Variants in ERC2 observed in about 807,000 individuals in gnomAD.
ERC2 encodes the protein ERC protein 2.
A neutral mutation model predicts 114.8 loss-of-function variants in ERC2; 42 were observed. The observed-to-expected ratio is 0.37, with a 90% confidence interval of 0.29 to 0.47. ERC2 has a LOEUF of 0.47. ERC2 is among the 20% of genes least tolerant of loss of function. The probability of loss-of-function intolerance (pLI) is 0.99; values close to 1 mark genes in which losing one functional copy is unlikely to be tolerated. For missense variants in ERC2, 939 were observed against 1,150.7 expected (o/e 0.82, Z 2.66); for synonymous variants, 454 against 425.5 (o/e 1.07, Z -0.82).
intron 15 of ERC2, among the ~76,000 whole-genome samples, chr3:55,714,485 C>T (rs919819966): frequency 7.3e-5 from 11 of 151,460 alleles, no homozygotes; most frequent in African/African-American, 2.7e-4. Context: ...TATTCAGAAG[C>T]CAGTCAAAAG....
chr3:56,326,353 C>T lies in ERC2; in HGVS notation c.658-29918G>A, dbSNP rs148405193. 1.3e-3 allele frequency among the ~76,000 whole-genome samples: 196 copies of T among 152,316 alleles called. 1 individual carries two copies. The highest frequency in any genetic ancestry group is 4.4e-3 in the African/African-American group (181 of 41,558). On this transcript the variant is annotated intron_variant, in intron 2 of 17. Transcript: ENST00000288221. ...CCTAAAGGAGCAGTGAACTTGGATCCTGATAGTGCTCCACTTTCTGCTCCA... is the reference window on the plus strand; with the variant it reads ...CCTAAAGGAGCAGTGAACTTGGATCTTGATAGTGCTCCACTTTCTGCTCCA...
At chr3:56,359,169 A>C (rs534492481) in intron 2 of ERC2, among the ~76,000 whole-genome samples, 2 of 152,348 alleles carry the variant, frequency 1.3e-5, no homozygotes, top group South Asian at 2.1e-4. Context: ...ATCTAACCAG[A>C]GTGGGGAGTC....
intron 14 of ERC2, among the ~76,000 whole-genome samples, chr3:55,779,669 A>T (rs1559642075): frequency 6.6e-6 from 1 of 152,220 alleles, no homozygotes; most frequent in Non-Finnish European, 1.5e-5. Context: ...CACATTGCAG[A>T]AAGAATACAA....
chr3:56,399,562 C>A (rs1294042865), intron 2 of ERC2, among the ~76,000 whole-genome samples: 2 of 152,112 alleles, frequency 1.3e-5, no homozygotes, highest in Non-Finnish European at 2.9e-5. Context: ...ATCCCTTCTT[C>A]ATGATTATAA....
chr3:56,192,732 A>C (rs985334695), intron 3 of ERC2, among the ~76,000 whole-genome samples: 1 of 152,082 alleles, frequency 6.6e-6, no homozygotes, highest in African/African-American at 2.4e-5. Context: ...AATTGTCTTC[A>C]ATGAGAGGGG....
chr3:56,372,251 A>G (rs2059386093), intron 2 of ERC2, among the ~76,000 whole-genome samples: 1 of 152,252 alleles, frequency 6.6e-6, no homozygotes, highest in Non-Finnish European at 1.5e-5. Context: ...ACATTAAATC[A>G]TATTGCTAAG....
chr3:56,277,176 GC>G (rs1459231761), intron 3 of ERC2, among the ~76,000 whole-genome samples: 3 of 152,104 alleles, frequency 2.0e-5, no homozygotes, highest in African/African-American at 4.8e-5. Flanking sequence ...GCCCTTGATG[GC>G]CCTGTTTTCT....
intron 2 of ERC2, among the ~76,000 whole-genome samples, chr3:56,420,684 G>C (rs1319426139): frequency 6.7e-6 from 1 of 149,868 alleles, no homozygotes; most frequent in African/African-American, 2.5e-5. Context: ...AGGAGATCGA[G>C]ACCAACCTGG....
intron 2 of ERC2, among the ~76,000 whole-genome samples, chr3:56,419,265 A>T (rs1270207182): frequency 6.6e-6 from 1 of 152,226 alleles, no homozygotes; most frequent in African/African-American, 2.4e-5. Flanking sequence ...GCATAACTGC[A>T]TTTGTAGTAT....
At chr3:55,653,604 TG>T (rs2060736496) in intron 17 of ERC2, among the ~76,000 whole-genome samples, 1 of 134,800 alleles carries the variant, frequency 7.4e-6, no homozygotes, top group Non-Finnish European at 1.6e-5. Context: ...TGTGTGTGTG[TG>T]TGTGTGTGTA....
intron 14 of ERC2, among the ~76,000 whole-genome samples, chr3:55,762,076 C>T (rs1437594513): frequency 6.6e-6 from 1 of 151,692 alleles, no homozygotes; most frequent in Non-Finnish European, 1.5e-5. Context: ...CCATGTGGAA[C>T]TGTGAGTCAA....
At chr3:56,438,663 T>G (rs760829370) in intron 1 of ERC2, among the ~76,000 whole-genome samples, 1 of 152,254 alleles carries the variant, frequency 6.6e-6, no homozygotes, top group Non-Finnish European at 1.5e-5. Flanking sequence ...GGCCACCACT[T>G]ATAGAGATGT....
intron 17 of ERC2, among the ~76,000 whole-genome samples, chr3:55,513,430 A>AT (rs2052245336): frequency 6.6e-6 from 1 of 152,000 alleles, no homozygotes; most frequent in South Asian, 2.1e-4. Flanking sequence ...ATCTAACATG[A>AT]TTTACACCAG....
chr3:55,553,011 A>ATTTTTTTG (rs2055327560), intron 17 of ERC2, among the ~76,000 whole-genome samples: 1 of 55,202 alleles, frequency 1.8e-5, no homozygotes, highest in Non-Finnish European at 3.3e-5. Context: ...GGGCTTCCAG[A>ATTTTTTTG]TTTTTTTTTT....
At chr3:56,008,087 G>A (rs1288990970) in intron 9 of ERC2, among the ~76,000 whole-genome samples, 1 of 152,152 alleles carries the variant, frequency 6.6e-6, no homozygotes, top group Non-Finnish European at 1.5e-5. Flanking sequence ...CATCAAATAT[G>A]AAATAGCAAC....
At chr3:56,395,956 A>G (rs932357570) in intron 2 of ERC2, among the ~76,000 whole-genome samples, 7 of 152,222 alleles carry the variant, frequency 4.6e-5, no homozygotes, top group African/African-American at 1.4e-4. Context: ...AGGAACTCCA[A>G]GTGGATGCTA....
intron 1 of ERC2, among the ~76,000 whole-genome samples, chr3:56,461,359 A>G (rs1350505812): frequency 6.6e-6 from 1 of 152,224 alleles, no homozygotes; most frequent in African/African-American, 2.4e-5. Context: ...TTCTTGGTCT[A>G]TATGTCCAAC....
At chr3:55,581,685 C>A (rs1010829233) in intron 17 of ERC2, among the ~76,000 whole-genome samples, 2 of 152,166 alleles carry the variant, frequency 1.3e-5, no homozygotes, top group Non-Finnish European at 2.9e-5. Flanking sequence ...TGCAACGTTT[C>A]AAATGTGCCA....
intron 17 of ERC2, among the ~76,000 whole-genome samples, chr3:55,563,944 A>G (rs900564403): frequency 1.1e-4 from 17 of 152,222 alleles, no homozygotes; most frequent in African/African-American, 3.1e-4. Context: ...TCACTGATAC[A>G]GTTACCCACA....
Sources: gnomAD v4.1 joint callset for allele counts (sites outside exome capture counted in the v4.1 genomes callset) on GRCh38, gnomAD v4.1.1 for gene constraint, MANE v1.5 for transcripts, NCBI Gene and HGNC (gene_info 2026-07-23, HGNC 2026-07-21) for gene names.